Variants in ZNF146 observed in about 807,000 individuals in gnomAD.
ZNF146 encodes zinc finger protein 146.
In ZNF146, 9 loss-of-function variants were observed where a neutral mutation model predicts 22.2. The ratio of observed to expected loss-of-function variants is 0.41; its 90% CI spans 0.24 to 0.71. ZNF146 has a LOEUF of 0.71. ZNF146 is among the 30% of genes least tolerant of loss of function. The pLI is 0.34. For missense variants in ZNF146, 194 were observed against 344.8 expected, an observed-to-expected ratio of 0.56 and a Z score of 3.46; for synonymous variants, 108 against 119.2, an observed-to-expected ratio of 0.91 and a Z score of 0.61.
intron 3 of ZNF146, among the ~76,000 whole-genome samples, chr19:36,233,839 A>G (rs564265433): frequency 1.3e-5 from 2 of 152,284 alleles, no homozygotes; most frequent in Admixed American, 6.5e-5. Flanking sequence ...AGAGCAGGAG[A>G]CAGATGCCTT....
At chr19:36,215,456 T>C (rs1976560407) in intron 1 of ZNF146, among the ~76,000 whole-genome samples, 1 of 152,112 alleles carries the variant, frequency 6.6e-6, no homozygotes, top group Non-Finnish European at 1.5e-5. Flanking sequence ...GAGGGAGATG[T>C]AGGAGACCAG....
In ZNF146 at chr19:36,215,125, A is replaced by C. The variant is rs1188756317; in HGVS notation, c.-1000A>C. ...CTCTCCGAGTGCGCAAGCGCAGCGC[A>C]CCGAGTGGACATTTTGGTCTTTGTC... On this transcript the variant is annotated 5_prime_UTR_variant, in exon 1 of 4. Coordinates refer to ENST00000443387, the MANE Select transcript of ZNF146 (RefSeq NM_007145.3). 2 of 152,178 alleles carry C rather than the reference A, an allele frequency of 1.3e-5. No individual in the cohort carries two copies. The highest frequency in any genetic ancestry group is 2.9e-5 in the Non-Finnish European group (2 of 68,054). 9.4% of individuals were successfully genotyped at this position (152,178 alleles called of 1,614,324 possible).
chr19:36,224,938 G>A (rs1446103489), intron 2 of ZNF146, among the ~76,000 whole-genome samples: 1 of 151,958 alleles, frequency 6.6e-6, no homozygotes, highest in Non-Finnish European at 1.5e-5. Context: ...CATATATGAA[G>A]CTGTTGATTT....
At chr19:36,226,077 A>G (rs1329328029) in intron 2 of ZNF146, among the ~76,000 whole-genome samples, 2 of 152,158 alleles carry the variant, frequency 1.3e-5, no homozygotes, top group East Asian at 3.8e-4. Flanking sequence ...GCCCACGGTA[A>G]CATTTCTCCC....
At chr19:36,218,221 G>GTATAGTATA (rs1368375207) in intron 2 of ZNF146, 26 bp downstream of exon 2, 1 of 151,348 alleles carries the variant, frequency 6.6e-6, no homozygotes, top group African/African-American at 2.4e-5. Flanking sequence ...TTGGGCCTCA[G>GTATAGTATA]TTGCTCATTT....
rs533506276 is a variant in ZNF146 at position 36,215,453 on chromosome 19, A to G, written c.-929+257A>G. Among the ~76,000 whole-genome samples the G allele has an allele frequency of 2.6e-5, 4 of 152,180 alleles. No homozygotes were observed. The East Asian group carries it at 7.7e-4, about 29-fold the overall frequency. ...GTGTGTGATTGTGCCTAAGAGGGAG[A>G]TGTAGGAGACCAGCATTGAGGTATA... On this transcript the variant is annotated intron_variant, in intron 1 of 3. Coordinates refer to ENST00000443387, the MANE Select transcript of ZNF146 (RefSeq NM_007145.3).
intron 1 of ZNF146, among the ~76,000 whole-genome samples, chr19:36,216,775 G>A (rs1197808724): frequency 6.6e-6 from 1 of 152,132 alleles, no homozygotes; most frequent in African/African-American, 2.4e-5. Flanking sequence ...AGTACAGACT[G>A]AGAAAGAAAA....
At position 36,220,372 on chromosome 19, in the gene ZNF146, A is replaced by T. The variant is rs1466593148; in HGVS notation, c.-855+2177A>T. 5.2e-5 allele frequency among the ~76,000 whole-genome samples: 6 copies of T among 114,606 alleles called. 1 individual carries two copies. Among genetic ancestry groups the T allele is most frequent in the Non-Finnish European group, 8.6e-5 (4 of 46,276 alleles). 75.2% of individuals were successfully genotyped at this position (114,606 alleles called of 152,430 possible). A position where few individuals can be genotyped will look rare whatever the true frequency, so the allele number is the denominator to read the frequency against. ...TAGTTCTTTTTTTTAATTTAATTTT[A>T]TTTTATTTTTGAGACGGAGTCTTGC... On this transcript the variant is annotated intron_variant, in intron 2 of 3. Coordinates refer to ENST00000443387, the MANE Select transcript of ZNF146 (RefSeq NM_007145.3).
intron 2 of ZNF146, among the ~76,000 whole-genome samples, chr19:36,222,122 C>T (rs1199931218): frequency 6.6e-6 from 1 of 151,974 alleles, no homozygotes; most frequent in Non-Finnish European, 1.5e-5. Context: ...GATGAGGTCT[C>T]ACTGTTTCCC....
intron 2 of ZNF146, among the ~76,000 whole-genome samples, chr19:36,227,622 A>C (rs1977131118): frequency 6.6e-6 from 1 of 151,714 alleles, no homozygotes; most frequent in Non-Finnish European, 1.5e-5. Flanking sequence ...ACAAGGTCTC[A>C]CTCTGTCAGG....
intron 2 of ZNF146, among the ~76,000 whole-genome samples, chr19:36,218,829 G>T (rs562054019): frequency 3.7e-4 from 52 of 140,436 alleles, no homozygotes; most frequent in African/African-American, 1.3e-3. Flanking sequence ...TGGAGGGGGG[G>T]ACAGAGTCTC....
intron 3 of ZNF146, among the ~76,000 whole-genome samples, chr19:36,234,024 C>T (rs1977525054): frequency 1.3e-5 from 2 of 152,126 alleles, no homozygotes; most frequent in Admixed American, 1.3e-4. Context: ...AGGCAGAGGT[C>T]CCTGCGGCCT....
chr19:36,218,475 C>T (rs1976704136), intron 2 of ZNF146, among the ~76,000 whole-genome samples: 1 of 145,382 alleles, frequency 6.9e-6, no homozygotes, highest in South Asian at 2.2e-4. Context: ...ATTAATATTT[C>T]TTTTTTTTTT....
intron 3 of ZNF146, among the ~76,000 whole-genome samples, chr19:36,235,226 A>G (rs551411359): frequency 6.6e-6 from 1 of 152,112 alleles, no homozygotes; most frequent in East Asian, 1.9e-4. Flanking sequence ...AAAAAGAAGA[A>G]AGAAAGATGA....
intron 2 of ZNF146, among the ~76,000 whole-genome samples, chr19:36,227,750 A>C (rs1225783951): frequency 6.6e-6 from 1 of 152,084 alleles, no homozygotes; most frequent in Non-Finnish European, 1.5e-5. Context: ...ACGGTGTGTC[A>C]CTGTGTTGCC....
chr19:36,228,840 C>T (rs116104154), intron 3 of ZNF146, 21 bp downstream of exon 3: 2,224 of 152,358 alleles, frequency 0.015, 51 homozygotes, highest in African/African-American at 0.05. Flanking sequence ...GACAGGCAGG[C>T]CACAGTTTTT....
At chr19:36,215,436 T>C (rs966385397) in intron 1 of ZNF146, among the ~76,000 whole-genome samples, 1 of 152,042 alleles carries the variant, frequency 6.6e-6, no homozygotes, top group African/African-American at 2.4e-5. Flanking sequence ...TTGTGTGTGA[T>C]TGTGCCTAAG....
intron 2 of ZNF146, among the ~76,000 whole-genome samples, chr19:36,227,172 T>A (rs939298521): frequency 1.3e-4 from 19 of 151,964 alleles, no homozygotes; most frequent in African/African-American, 4.6e-4. Context: ...GCGGATCACC[T>A]GAGGTCAGGG....
chr19:36,237,551 C>A lies in ZNF146; in HGVS notation c.*232C>A. 1 of 370,822 alleles carries A rather than the reference C, an allele frequency of 2.7e-6. No individual in the cohort carries two copies. Among genetic ancestry groups the A allele is most frequent in the Non-Finnish European group, 4.9e-6 (1 of 204,438 alleles). 23.0% of individuals were successfully genotyped at this position (370,822 alleles called of 1,614,324 possible). On this transcript the variant is annotated 3_prime_UTR_variant, in exon 4 of 4. Transcript: ENST00000443387. Reference sequence around the variant, plus strand: ...GCAGAGATAATGGTGAAAGTTTAGGCACATTTTCACTAAAAGTGGGAACAG... The same window carrying A: ...GCAGAGATAATGGTGAAAGTTTAGGAACATTTTCACTAAAAGTGGGAACAG...
Sources: gnomAD v4.1 joint callset for allele counts (sites outside exome capture counted in the v4.1 genomes callset) on GRCh38, gnomAD v4.1.1 for gene constraint, MANE v1.5 for transcripts, NCBI Gene and HGNC (gene_info 2026-07-23, HGNC 2026-07-21) for gene names.